TMCO4: variants seen among roughly 807,000 people sequenced by gnomAD.
TMCO4 encodes transmembrane and coiled-coil domains 4.
Under a neutral mutation model 64.7 loss-of-function variants are expected in TMCO4, and 58 were observed. The observed-to-expected ratio is 0.90, with a 90% CI of 0.73 to 1.12. TMCO4 has a LOEUF of 1.12. TMCO4 is among the 50% of genes most tolerant of loss of function. TMCO4 has a pLI of 0.00. For missense variants in TMCO4, 780 were observed against 825.9 expected, an observed-to-expected ratio of 0.94 and a Z score of 0.68; for synonymous variants, 325 against 346.1, an observed-to-expected ratio of 0.94 and a Z score of 0.68.
chr1:19,721,819 C>CAA (rs2095385317), intron 13 of TMCO4, among the ~76,000 whole-genome samples: 2 of 149,244 alleles, frequency 1.3e-5, no homozygotes, highest in Admixed American at 6.6e-5. Flanking sequence ...AAACAAAACA[C>CAA]AACACACACA....
rs4515815 is a variant in TMCO4, at chr1:19,694,501, C to T, written c.1433G>A (p.Arg478His). The T allele has an allele frequency of 0.62, 996,049 of 1,613,054 alleles. 317,712 individuals carry two copies. Among genetic ancestry groups the T allele is most frequent in the Non-Finnish European group, 0.66 (775,260 of 1,179,394 alleles). ...CAGCACGGGCTGTAGGCCGGCGACA[C>T]GGAGCTGCACCGAGGATGTGCGGTA... ...FVYRTSSVQL[R>H]VAGLQPVLLQ... The change falls in exon 15 of 16, where the codon CGT becomes CAT. Residue 478 changes from arginine (R) to histidine (H), a missense_variant. Arg to His is a conservative substitution (Grantham distance 29). Coordinates refer to ENST00000294543, the MANE Select transcript of TMCO4 (RefSeq NM_181719.7).
chr1:19,777,051 A>T, intron 4 of TMCO4, among the ~76,000 whole-genome samples: 1 of 144,900 alleles, frequency 6.9e-6, no homozygotes, highest in African/African-American at 2.6e-5. Context: ...AAAAAAAAAG[A>T]AAAGAAAACA....
chr1:19,747,391 T>A, intron 7 of TMCO4, 131 bp from the exon 8 acceptor site: 1 of 788,596 alleles, frequency 1.3e-6, no homozygotes, highest in Non-Finnish European at 2.2e-6. Flanking sequence ...GGCACCAAAG[T>A]CACCTTGAGC....
intron 4 of TMCO4, among the ~76,000 whole-genome samples, chr1:19,773,805 A>T (rs2043091120): frequency 6.6e-6 from 1 of 152,198 alleles, no homozygotes; most frequent in Admixed American, 6.5e-5. Flanking sequence ...ACTACATGAG[A>T]CTAAAAACGA....
intron 13 of TMCO4, among the ~76,000 whole-genome samples, chr1:19,716,380 TC>T (rs1322277127): frequency 2.2e-5 from 3 of 137,920 alleles, no homozygotes; most frequent in South Asian, 2.3e-4. Flanking sequence ...CTTTTTTCTT[TC>T]TTTTTTTTTT....
chr1:19,693,800 C>A (rs1032503184), intron 15 of TMCO4, among the ~76,000 whole-genome samples: 6 of 152,126 alleles, frequency 3.9e-5, no homozygotes, highest in Admixed American at 2.6e-4. Context: ...AGCCTAAAGC[C>A]CTCCACCTGT....
intron 8 of TMCO4, among the ~76,000 whole-genome samples, 197 bp downstream of exon 8, chr1:19,746,966 C>A (rs1317430753): frequency 6.8e-6 from 1 of 147,644 alleles, no homozygotes; most frequent in South Asian, 2.2e-4. Flanking sequence ...TGAGTTTTTA[C>A]CCCTCAGCTA....
intron 13 of TMCO4, among the ~76,000 whole-genome samples, chr1:19,716,134 T>C (rs987735262): frequency 6.6e-6 from 1 of 151,476 alleles, no homozygotes; most frequent in Non-Finnish European, 1.5e-5. Flanking sequence ...CTGGGCAAAA[T>C]AGTGAGACCT....
In TMCO4 at chr1:19,785,559, C is replaced by A. The variant is rs1464697883; in HGVS notation, c.-9+1467G>T. 2.6e-5 allele frequency among the ~76,000 whole-genome samples: 4 copies of A among 152,158 alleles called. 1 individual carries two copies. The South Asian group carries it at 8.3e-4, about 32-fold the overall frequency. On this transcript the variant is annotated intron_variant, in intron 3 of 15. Coordinates refer to ENST00000294543, the MANE Select transcript of TMCO4 (RefSeq NM_181719.7). ...GGAAGCCCTGTTCTGGGCCTTAGGG[C>A]AGATCAGAGGATGAAACTGACAAGT...
At chr1:19,770,867 C>T (rs2042950027) in intron 5 of TMCO4, among the ~76,000 whole-genome samples, 1 of 152,228 alleles carries the variant, frequency 6.6e-6, no homozygotes, top group South Asian at 2.1e-4. Flanking sequence ...GAGTGACATG[C>T]TCAAGGGCAT....
At chr1:19,699,521 G>A (rs2095258079) in intron 14 of TMCO4, among the ~76,000 whole-genome samples, 1 of 143,168 alleles carries the variant, frequency 7.0e-6, no homozygotes, top group Admixed American at 7.0e-5. Flanking sequence ...ATATTGAGAT[G>A]GAGTCTTGCT....
intron 13 of TMCO4, chr1:19,701,140 G>T (rs566260067): frequency 3.1e-6 from 1 of 323,300 alleles, no homozygotes; most frequent in Admixed American, 4.8e-5. Flanking sequence ...TCCTTCAAAG[G>T]ATCATTACAC....
At chr1:19,753,819 G>A (rs899482747) in intron 7 of TMCO4, among the ~76,000 whole-genome samples, 2 of 152,104 alleles carry the variant, frequency 1.3e-5, no homozygotes, top group Non-Finnish European at 2.9e-5. Context: ...CCCTAACGCT[G>A]CATAAACAAT....
intron 2 of TMCO4, among the ~76,000 whole-genome samples, chr1:19,790,118 C>T (rs2043956990): frequency 6.6e-6 from 1 of 150,640 alleles, no homozygotes; most frequent in South Asian, 2.1e-4. Flanking sequence ...ACTGGCTAGC[C>T]GTATGCAGAA....
chr1:19,782,347 T>C (rs907322355), intron 3 of TMCO4, among the ~76,000 whole-genome samples: 7 of 152,002 alleles, frequency 4.6e-5, no homozygotes, highest in Non-Finnish European at 7.4e-5. Flanking sequence ...CTAAACCCAA[T>C]GTATGGTGAT....
rs146757100 is a variant in TMCO4 at position 19,687,393 on chromosome 1, A to G, written c.1501-3949T>C. 2.9e-4 allele frequency among the ~76,000 whole-genome samples: 44 copies of G among 152,264 alleles called. No homozygotes were observed. The East Asian group carries it at 8.5e-3, about 29-fold the overall frequency. On this transcript the variant is annotated intron_variant, in intron 15 of 15. Transcript: ENST00000294543. ...TGAGCCACGATGCCCTGCCCCAAAC[A>G]CTTTTAAAGAGACATCATGCAATTT...
At chr1:19,783,198 C>A (rs1306881488) in intron 3 of TMCO4, among the ~76,000 whole-genome samples, 3 of 152,198 alleles carry the variant, frequency 2.0e-5, no homozygotes, top group African/African-American at 4.8e-5. Flanking sequence ...ATTGTCTCAG[C>A]AGACTCTAGA....
chr1:19,763,139 G>A (rs1468781426), intron 6 of TMCO4, among the ~76,000 whole-genome samples: 1 of 151,506 alleles, frequency 6.6e-6, no homozygotes, highest in African/African-American at 2.4e-5. Flanking sequence ...GCAGTGGCAC[G>A]ATCTTGGCTC....
intron 6 of TMCO4, among the ~76,000 whole-genome samples, chr1:19,759,791 T>C (rs2042418474): frequency 6.6e-6 from 1 of 152,214 alleles, no homozygotes; most frequent in Non-Finnish European, 1.5e-5. Flanking sequence ...ATAGGTTTAT[T>C]GTCTGGCTTT....
Sources: allele counts gnomAD v4.1 joint callset (sites outside exome capture counted in the v4.1 genomes callset), GRCh38; gene constraint gnomAD v4.1.1; transcripts MANE v1.5; gene names NCBI Gene and HGNC (gene_info 2026-07-23, HGNC 2026-07-21).